Variants in ITPR3 observed in about 807,000 individuals in gnomAD.
ITPR3 encodes the protein inositol 1,4,5-trisphosphate receptor type 3.
A neutral mutation model predicts 293.2 loss-of-function variants in ITPR3; 173 were observed. That is an observed-to-expected ratio of 0.59 (90% confidence interval 0.52 to 0.67). The LOEUF (loss-of-function observed/expected upper bound fraction) is 0.67, where lower values mean the gene tolerates loss of function less well. Among genes scored for constraint, ITPR3 ranks in the 30% least tolerant of loss-of-function variants. The pLI is 0.00. For missense variants in ITPR3, 2,796 were observed against 3,592.1 expected, an observed-to-expected ratio of 0.78 and a Z score of 5.66; for synonymous variants, 1,295 against 1,444.4, an observed-to-expected ratio of 0.90 and a Z score of 2.35.
Position 33,662,650 on chromosome 6 carries a change from C to A in ITPR3, c.834C>A (p.Ser278Arg). 6.2e-7 allele frequency: 1 copy of A among 1,609,076 alleles called. No homozygotes were observed. The highest frequency in any genetic ancestry group is 8.5e-7 in the Non-Finnish European group (1 of 1,179,986). ...GCCAGTCTGCCACCTCGGCCACCAG[C>A]TCCAATGCTCTCTGGGAGGTGGAGG... ...TLRQSATSAT[S>R]SNALWEVEVV... is the part of the protein sequence containing the mutation. The change falls in exon 8 of 58, where the codon AGC becomes AGA. Residue 278 changes from serine to arginine, a missense_variant. Coordinates refer to ENST00000605930, the MANE Select transcript of ITPR3 (RefSeq NM_002224.4).
In ITPR3 at chr6:33,674,263, G is replaced by A. The variant is rs761975240; in HGVS notation, c.3114G>A (p.Val1038=). Residue 1038 remains valine, a splice_region_variant and synonymous_variant, in exon 24 of 58, where the codon GTG becomes GTA. Coordinates refer to ENST00000605930, the MANE Select transcript of ITPR3 (RefSeq NM_002224.4). The part of the protein sequence containing the change: ...IGEQAEAMFG[V]GKTSSMLEVD... ...AGCAGGCGGAGGCCATGTTTGGAGT[G>A]GGGTGAGGCCAGGGTTGAGCTGCAG... 6.2e-7 allele frequency: 1 copy of A among 1,613,910 alleles called. No homozygotes were observed. Among genetic ancestry groups the A allele is most frequent in the South Asian group, 1.1e-5 (1 of 91,054 alleles).
chr6:33,694,732 C>A, intron 56 of ITPR3, 192 bp from the exon 57 acceptor site: 25 of 632,374 alleles, frequency 4.0e-5, no homozygotes, highest in Admixed American at 3.2e-4. Flanking sequence ...AGAGGGTTGA[C>A]AAGAGGGTTG....
Position 33,658,856 on chromosome 6 carries a change from C to T in ITPR3, c.528+28C>T, listed in dbSNP as rs1171981762. ...GAGGGCAGGGCCAGGGTTGGAGGGGCCTGGTGGAACTCCCGAGGGGCTTCT... is the reference window on the plus strand; with the variant it reads ...GAGGGCAGGGCCAGGGTTGGAGGGGTCTGGTGGAACTCCCGAGGGGCTTCT... On this transcript the variant is annotated intron_variant, in intron 5 of 57. Coordinates refer to ENST00000605930, the MANE Select transcript of ITPR3 (RefSeq NM_002224.4). The surrounding 1 kb of genome is among the most constrained non-coding windows in gnomAD (Gnocchi z 6.1). 1 of 1,612,560 alleles carries T rather than the reference C, an allele frequency of 6.2e-7. No homozygotes were observed. Among genetic ancestry groups the T allele is most frequent in the Admixed American group, 1.7e-5 (1 of 59,934 alleles).
intron 9 of ITPR3, 98 bp downstream of exon 9, chr6:33,663,104 G>A: frequency 2.9e-6 from 3 of 1,018,808 alleles, no homozygotes; most frequent in Non-Finnish European, 3.0e-6. Context: ...TGGCACATGT[G>A]CCTATGGACC....
intron 1 of ITPR3, 87 bp from the exon 2 acceptor site, chr6:33,640,397 T>C: frequency 2.4e-5 from 30 of 1,234,150 alleles, no homozygotes; most frequent in Non-Finnish European, 3.4e-5. Context: ...GGCTCACTGG[T>C]ACCCTGGCAT....
intron 3 of ITPR3, 102 bp from the exon 4 acceptor site, chr6:33,657,829 GT>G: frequency 2.3e-6 from 2 of 858,130 alleles, no homozygotes; most frequent in Non-Finnish European, 3.8e-6. Flanking sequence ...GTGTGTGTGT[GT>G]GTGTTTGTGT....
At position 33,666,753 on chromosome 6, in the gene ITPR3, A is replaced by G. The variant is rs1340722184; in HGVS notation, c.1552-376A>G. 9.9e-5 allele frequency among the ~76,000 whole-genome samples: 15 copies of G among 152,080 alleles called. No homozygotes were observed. The highest frequency in any genetic ancestry group is 9.2e-4 in the Admixed American group (14 of 15,276). On this transcript the variant is annotated intron_variant, in intron 14 of 57. Transcript: ENST00000605930. This position sits in a 1 kb window ranked among gnomAD's most constrained non-coding sequence, Gnocchi z 5.1. ...CATTTTTGTAATTATGTAACATTTT[A>G]CTTTGACAAGGCAGGCCTGTGTCTC... is the stretch of plus-strand genomic sequence containing the variant.
Position 33,685,566 on chromosome 6 carries a change from G to A in ITPR3, c.5482+33G>A, listed in dbSNP as rs372869721. ...GTCTGAGGCAGAGGCACGGCGTGAC[G>A]GGGATCCCAGGATAAGATGTGCAGG... is the stretch of plus-strand genomic sequence containing the variant. On this transcript the variant is annotated intron_variant, in intron 40 of 57. Transcript: ENST00000605930. The A allele has an allele frequency of 8.4e-5, 134 of 1,602,312 alleles. 1 individual carries two copies. Among genetic ancestry groups the A allele is most frequent in the South Asian group, 3.8e-4 (34 of 90,414 alleles).
intron 1 of ITPR3, among the ~76,000 whole-genome samples, chr6:33,637,633 G>A (rs918906771): frequency 9.3e-5 from 14 of 149,844 alleles, no homozygotes; most frequent in Admixed American, 3.3e-4. Flanking sequence ...TACACCCAGC[G>A]ATTTTTTTTT....
chr6:33,662,407 C>A, intron 7 of ITPR3, 121 bp from the exon 8 acceptor site: 1 of 1,177,210 alleles, frequency 8.5e-7, no homozygotes, highest in Non-Finnish European at 1.2e-6. Flanking sequence ...TGTGTGCTGG[C>A]TCTGGAAGAG....
chr6:33,621,772 C>A lies in ITPR3; in HGVS notation c.89+81C>A. 9.3e-7 allele frequency: 1 copy of A among 1,070,884 alleles called. No homozygotes were observed. Among genetic ancestry groups the A allele is most frequent in the Non-Finnish European group, 1.4e-6 (1 of 717,376 alleles). 66.3% of individuals were successfully genotyped at this position (1,070,884 alleles called of 1,614,324 possible). ...GGTGCCAGCTGCGTGCGTCCAGCCGCCGCCCCCCGATAGAGGCCTGGACGT... is the reference window on the plus strand; with the variant it reads ...GGTGCCAGCTGCGTGCGTCCAGCCGACGCCCCCCGATAGAGGCCTGGACGT... On this transcript the variant is annotated intron_variant, in intron 1 of 57. Transcript: ENST00000605930. The surrounding 1 kb of genome is among the most constrained non-coding windows in gnomAD (Gnocchi z 7.7).
At chr6:33,665,265 C>T (rs1291442027) in intron 13 of ITPR3, 52 bp downstream of exon 13, 1 of 1,576,886 alleles carries the variant, frequency 6.3e-7, no homozygotes, top group Non-Finnish European at 8.6e-7. Context: ...CTCCCAGGGC[C>T]TGCATTTCAT....
At position 33,677,143 on chromosome 6, in the gene ITPR3, G is replaced by A. The variant is rs1764929702; in HGVS notation, c.3522+54G>A. The A allele has an allele frequency of 2.1e-5, 32 of 1,509,104 alleles. No homozygotes were observed. The East Asian group carries it at 6.4e-4, about 30-fold the overall frequency. 93.5% of individuals were successfully genotyped at this position (1,509,104 alleles called of 1,614,324 possible). A position where few individuals can be genotyped will look rare whatever the true frequency, so the allele number is the denominator to read the frequency against. ...GATCTGCAGCCCCAGTGGTCCTGGG[G>A]GCTCCCGCTGGCCCGGCCCCCTGTG... On this transcript the variant is annotated intron_variant, in intron 27 of 57. Coordinates refer to ENST00000605930, the MANE Select transcript of ITPR3 (RefSeq NM_002224.4).
At position 33,621,601 on chromosome 6, in the gene ITPR3, C is replaced by G. The variant is rs778834747; in HGVS notation, c.-2C>G. Reference sequence around the variant, plus strand: ...CGCCCTGGGCCCCGGAGGGCCGCAGCCATGAGTGAAATGTCCAGCTTTCTT... The same window carrying G: ...CGCCCTGGGCCCCGGAGGGCCGCAGGCATGAGTGAAATGTCCAGCTTTCTT... On this transcript the variant is annotated 5_prime_UTR_variant, in exon 1 of 58. Transcript: ENST00000605930. This position sits in a 1 kb window ranked among gnomAD's most constrained non-coding sequence, Gnocchi z 7.7. 6.3e-7 allele frequency: 1 copy of G among 1,591,782 alleles called. No homozygotes were observed. Among genetic ancestry groups the G allele is most frequent in the Non-Finnish European group, 8.6e-7 (1 of 1,168,734 alleles).
chr6:33,685,595 G>T, intron 40 of ITPR3, 48 bp from the exon 41 acceptor site: 2 of 1,590,268 alleles, frequency 1.3e-6, no homozygotes, highest in Non-Finnish European at 1.7e-6. Flanking sequence ...GTGCAGGGGG[G>T]TGGCCAAGGG....
chr6:33,663,963 A>C (rs1447134962), intron 11 of ITPR3, 83 bp downstream of exon 11: 1 of 1,532,250 alleles, frequency 6.5e-7, no homozygotes, highest in East Asian at 2.3e-5. Context: ...TGGATCCCCC[A>C]CTCCTCCGCC....
intron 2 of ITPR3, among the ~76,000 whole-genome samples, chr6:33,646,558 C>T (rs1020364444): frequency 1.1e-4 from 17 of 151,840 alleles, no homozygotes; most frequent in Admixed American, 1.1e-3. Context: ...GTAGACAGAC[C>T]CTTCTGGAGA....
rs1327430325 is a variant in ITPR3 at position 33,621,811 on chromosome 6, A to G, written c.89+120A>G. On this transcript the variant is annotated intron_variant, in intron 1 of 57. Transcript: ENST00000605930. The surrounding 1 kb of genome is among the most constrained non-coding windows in gnomAD (Gnocchi z 7.7). The stretch of plus-strand genomic sequence containing the variant: ...AGGCCTGGACGTCCCCCTAGTCTCA[A>G]GGAGCGGGAACGGCTCGCCTCCTTC... 2.8e-6 allele frequency: 2 copies of G among 720,910 alleles called. No homozygotes were observed. The highest frequency in any genetic ancestry group is 1.8e-5 in the South Asian group (1 of 56,470). The allele number at this position is 720,910 out of a possible 1,614,324, so 44.7% of individuals were successfully genotyped here.
chr6:33,644,320 AC>A (rs1458460304), intron 2 of ITPR3, among the ~76,000 whole-genome samples: 1 of 149,348 alleles, frequency 6.7e-6, no homozygotes, highest in African/African-American at 2.5e-5. Context: ...ATGGGGTTTC[AC>A]CTTGTTGTCC....
Sources: allele counts gnomAD v4.1 joint callset (sites outside exome capture counted in the v4.1 genomes callset), GRCh38; gene constraint gnomAD v4.1.1; non-coding constraint Gnocchi (gnomAD v3.1); transcripts MANE v1.5; gene names NCBI Gene and HGNC (gene_info 2026-07-23, HGNC 2026-07-21).